The following DDX42 variants were observed in gnomAD, a reference collection of about 807,000 sequenced individuals.
DDX42 encodes the protein ATP-dependent RNA helicase DDX42.
In DDX42, 22 loss-of-function variants were observed where a neutral mutation model predicts 101.5. The observed-to-expected ratio is 0.22, with a 90% CI of 0.15 to 0.31. DDX42 has a LOEUF of 0.31. Ranked by LOEUF, DDX42 falls within the 10% of genes least tolerant of loss-of-function variation. The pLI, the probability that DDX42 is intolerant of heterozygous loss-of-function variation, is 1.00. For synonymous variants in DDX42, 402 were observed against 401.2 expected (o/e 1.00, Z -0.02); for missense variants, 849 against 1,199.9 (o/e 0.71, Z 4.32).
intron 10 of DDX42, 110 bp from the exon 11 acceptor site, chr17:63,809,450 A>G (rs998152349): frequency 3.7e-6 from 3 of 803,232 alleles, no homozygotes; most frequent in South Asian, 3.2e-5. Context: ...ACCAGTATCT[A>G]TTACAGTCTG....
chr17:63,804,193 C>T (rs1362849632), intron 6 of DDX42, among the ~76,000 whole-genome samples: 1 of 151,250 alleles, frequency 6.6e-6, no homozygotes, highest in Non-Finnish European at 1.5e-5. Context: ...GCTTGGAGTC[C>T]CAGCTACTGG....
intron 11 of DDX42, among the ~76,000 whole-genome samples, chr17:63,809,988 C>T (rs981584789): frequency 6.6e-6 from 1 of 152,192 alleles, no homozygotes; most frequent in African/African-American, 2.4e-5. Flanking sequence ...AGGCCCTTTG[C>T]TTTCCTATCC....
chr17:63,794,370 C>T (rs189522129), intron 3 of DDX42, among the ~76,000 whole-genome samples: 2 of 151,784 alleles, frequency 1.3e-5, no homozygotes, highest in East Asian at 3.9e-4. Flanking sequence ...ATAGCGAGTC[C>T]CTGTCTCTAC....
chr17:63,817,246 A>G (rs988472009), intron 17 of DDX42: 9 of 395,210 alleles, frequency 2.3e-5, no homozygotes, highest in Non-Finnish European at 3.6e-5. Context: ...AACAGCCTGA[A>G]GTGTTGCCCA....
At chr17:63,774,934 T>C (rs1173694298) in intron 1 of DDX42, among the ~76,000 whole-genome samples, 1 of 152,346 alleles carries the variant, frequency 6.6e-6, no homozygotes, top group African/African-American at 2.4e-5. Context: ...TGCAAACATA[T>C]GCATCAAAAA....
At chr17:63,803,268 T>A (rs2039795119) in intron 6 of DDX42, among the ~76,000 whole-genome samples, 1 of 152,172 alleles carries the variant, frequency 6.6e-6, no homozygotes, top group Non-Finnish European at 1.5e-5. Context: ...AAATGACCAC[T>A]TGTCAAGTTT....
In DDX42 at chr17:63,811,953, A is replaced by G. The variant is rs769230154; in HGVS notation, c.1420A>G (p.Ile474Val). The G allele has an allele frequency of 6.2e-7, 1 of 1,614,178 alleles. No individual in the cohort carries two copies. Among genetic ancestry groups the G allele is most frequent in the Middle Eastern group, 1.6e-4 (1 of 6,062 alleles). Residue 474 changes from isoleucine to valine, a missense_variant, in exon 14 of 18, where the codon ATT becomes GTT. Around this residue, in one of 5 missense-constraint regions of DDX42, gnomAD observed 370 missense variants for 608.8 expected, o/e 0.61. Coordinates refer to ENST00000389924, the MANE Select transcript of DDX42 (RefSeq NM_203499.3). ...IGEANEDVTQIVEILHSGPSK... is the reference protein window; with the variant it reads ...IGEANEDVTQVVEILHSGPSK... ...TCAGGCAAATGAAGATGTGACACAGATTGTGGAGATTCTCCATTCTGGACC... is the reference window on the plus strand; with the variant it reads ...TCAGGCAAATGAAGATGTGACACAGGTTGTGGAGATTCTCCATTCTGGACC...
chr17:63,807,673 A>T (rs2039859421), intron 8 of DDX42, 51 bp from the exon 9 acceptor site: 1 of 1,540,868 alleles, frequency 6.5e-7, no homozygotes, highest in East Asian at 2.3e-5. Context: ...TTGCTTCAGT[A>T]CATCTTTAGA....
At chr17:63,810,067 C>T (rs1230005985) in intron 11 of DDX42, among the ~76,000 whole-genome samples, 2 of 152,004 alleles carry the variant, frequency 1.3e-5, no homozygotes, top group Non-Finnish European at 2.9e-5. Context: ...AAATTTTTCA[C>T]TTTTATGCTG....
At chr17:63,793,763 GCT>G (rs1244869467) in intron 3 of DDX42, among the ~76,000 whole-genome samples, 1 of 151,060 alleles carries the variant, frequency 6.6e-6, no homozygotes, top group Non-Finnish European at 1.5e-5. Flanking sequence ...TCCTTTTACA[GCT>G]CTCTATATTG....
Position 63,816,234 on chromosome 17 carries a change from G to A in DDX42, c.2013+561G>A, listed in dbSNP as rs16947111. 9.4e-3 allele frequency among the ~76,000 whole-genome samples: 1,433 copies of A among 152,282 alleles called. 19 individuals carry two copies. Among genetic ancestry groups the A allele is most frequent in the African/African-American group, 0.033 (1,385 of 41,544 alleles). ...TCTGTCACCTTGATTCCAAGCCAGGGAAGAAAGCTGCCAGTATACTTTTCT... is the reference window on the plus strand; with the variant it reads ...TCTGTCACCTTGATTCCAAGCCAGGAAAGAAAGCTGCCAGTATACTTTTCT... On this transcript the variant is annotated intron_variant, in intron 16 of 17. Coordinates refer to ENST00000389924, the MANE Select transcript of DDX42 (RefSeq NM_203499.3).
intron 13 of DDX42, 24 bp downstream of exon 13, chr17:63,811,197 G>T: frequency 6.6e-7 from 1 of 1,521,290 alleles, no homozygotes; most frequent in African/African-American, 1.4e-5. Context: ...GGGCTGGATG[G>T]GACCTTAATG....
Position 63,774,215 on chromosome 17 carries a change from G to A in DDX42, c.-178G>A. The A allele has an allele frequency of 3.9e-6, 1 of 257,050 alleles. No individual in the cohort carries two copies. The allele number at this position is 257,050 out of a possible 1,614,324, so 15.9% of individuals were successfully genotyped here. On this transcript the variant is annotated 5_prime_UTR_variant, in exon 1 of 18. It adds an upstream start codon to the 5' untranslated region. Transcript: ENST00000389924. ...AACGGGCCGTGAGGCGGTGGCGGTG[G>A]TGGCGGTGGCGGCGGCGGTGGTGGT...
At position 63,817,679 on chromosome 17, in the gene DDX42, C is replaced by A. The variant is rs1466159437; in HGVS notation, c.2113-15C>A. The A allele has an allele frequency of 1.2e-6, 2 of 1,609,408 alleles. No homozygotes were observed. The highest frequency in any genetic ancestry group is 1.7e-6 in the Non-Finnish European group (2 of 1,176,412). On this transcript the variant is annotated splice_polypyrimidine_tract_variant and intron_variant, in intron 17 of 17. Coordinates refer to ENST00000389924, the MANE Select transcript of DDX42 (RefSeq NM_203499.3). ...TTGCTATCTTACCTACTCCTGATGT[C>A]TCTTTCTCTTTCAGTCACAGTACAA... is the stretch of plus-strand genomic sequence containing the variant.
intron 2 of DDX42, among the ~76,000 whole-genome samples, chr17:63,789,640 C>G (rs1200225645): frequency 1.5e-5 from 2 of 136,456 alleles, no homozygotes; most frequent in African/African-American, 5.4e-5. Context: ...GTGGCGTGAT[C>G]TAGGCTCACA....
At chr17:63,798,404 A>G (rs1233021782) in intron 4 of DDX42, among the ~76,000 whole-genome samples, 1 of 152,208 alleles carries the variant, frequency 6.6e-6, no homozygotes, top group Non-Finnish European at 1.5e-5. Context: ...GTTTAGGCTC[A>G]TTGTTCTGAG....
At chr17:63,784,147 A>G (rs1379401038) in intron 1 of DDX42, among the ~76,000 whole-genome samples, 2 of 152,170 alleles carry the variant, frequency 1.3e-5, no homozygotes, top group South Asian at 2.1e-4. Flanking sequence ...AACAAAACCT[A>G]TGAAGTATAT....
intron 6 of DDX42, among the ~76,000 whole-genome samples, chr17:63,801,077 T>C (rs1015423409): frequency 6.6e-6 from 1 of 151,916 alleles, no homozygotes; most frequent in African/African-American, 2.4e-5. Flanking sequence ...TCTCTCTCTC[T>C]GTCTCTCTGT....
At chr17:63,783,404 G>A (rs975521570) in intron 1 of DDX42, among the ~76,000 whole-genome samples, 11 of 152,042 alleles carry the variant, frequency 7.2e-5, no homozygotes, top group African/African-American at 2.7e-4. Flanking sequence ...TTAGCTCCTT[G>A]TTATACATTG....
Sources: gnomAD v4.1 joint callset for allele counts (sites outside exome capture counted in the v4.1 genomes callset) on GRCh38, gnomAD v4.1.1 for gene constraint, gnomAD v4.1.1 regional missense constraint, MANE v1.5 for transcripts, NCBI Gene and HGNC (gene_info 2026-07-23, HGNC 2026-07-21) for gene names.